Variants in FAM83H observed in about 807,000 individuals in gnomAD.
FAM83H encodes the protein scaffolding CK1 anchoring protein H, also known as protein FAM83H.
In FAM83H, 24 loss-of-function variants were observed where a neutral mutation model predicts 30.2. The observed-to-expected ratio is 0.79, with a 90% CI of 0.57 to 1.12. The LOEUF is 1.12. Among genes scored for constraint, FAM83H ranks in the 50% most tolerant of loss-of-function variants. FAM83H has a pLI of 0.00. For missense variants in FAM83H, 2,038 were observed against 1,773.9 expected (o/e 1.15, Z -2.67); for synonymous variants, 1,013 against 821.7 (o/e 1.23, Z -3.98).
rs1253665850 is a variant in FAM83H at position 143,733,724 on chromosome 8, A to T, written c.-49T>A. On this transcript the variant is annotated 5_prime_UTR_variant, in exon 1 of 5. Transcript: ENST00000388913. The surrounding 1 kb of genome is among the most constrained non-coding windows in gnomAD (Gnocchi z 5.6). Reference sequence around the variant, plus strand: ...GTGCGCGGGGTCTCGGCACAGGGGCAGCAGGAGCCGACCGCCGCCCAGCGG... The same window carrying T: ...GTGCGCGGGGTCTCGGCACAGGGGCTGCAGGAGCCGACCGCCGCCCAGCGG... 3 of 149,306 alleles carry T rather than the reference A, an allele frequency of 2.0e-5. No homozygotes were observed. The highest frequency in any genetic ancestry group is 4.5e-5 in the Non-Finnish European group (3 of 66,942). The allele number at this position is 149,306 out of a possible 1,614,324, so 9.2% of individuals were successfully genotyped here. A position where few individuals can be genotyped will look rare whatever the true frequency, so the allele number is the denominator to read the frequency against.
At position 143,726,875 on chromosome 8, in the gene FAM83H, C is replaced by T; in HGVS notation, c.2586G>A (p.Val862=). 6.2e-7 allele frequency: 1 copy of T among 1,612,940 alleles called. No homozygotes were observed. Among genetic ancestry groups the T allele is most frequent in the South Asian group, 1.1e-5 (1 of 91,072 alleles). ...GGCTCCCTTTTGACTCATTATGGAG[C>T]ACCTGGTGCGCTCCGGACCCTTCCA... ...LPLEGSGAHQ[V]LHNESKGSPT... is the part of the protein sequence containing the mutation. The change falls in exon 5 of 5, where the codon GTG becomes GTA. Residue 862 remains valine (V), a synonymous_variant. Transcript: ENST00000388913.
chr8:143,727,522 T>C lies in FAM83H; in HGVS notation c.1939A>G (p.Ser647Gly). The change falls in exon 5 of 5, where the codon AGC (serine) becomes GGC (glycine). Residue 647 changes from serine to glycine, a missense_variant. By Grantham distance (56) the Ser-to-Gly change is moderately conservative. Coordinates refer to ENST00000388913, the MANE Select transcript of FAM83H (RefSeq NM_198488.5). ...PTKVPVPGPG[S>G]GGNGPEREGP... is the part of the protein sequence containing the mutation. ...TCGCGCTCTGGGCCGTTGCCGCCGC[T>C]GCCCGGGCCTGGCACCGGGACCTTG... 1 of 1,579,780 alleles carries C rather than the reference T, an allele frequency of 6.3e-7. No individual in the cohort carries two copies. The highest frequency in any genetic ancestry group is 8.5e-7 in the Non-Finnish European group (1 of 1,170,456).
At chr8:143,732,418 C>G in intron 1 of FAM83H, 4 of 985,388 alleles carry the variant, frequency 4.1e-6, no homozygotes, top group Non-Finnish European at 4.8e-6. Flanking sequence ...CATTGCCAGC[C>G]TGTCTGTAGG....
chr8:143,726,706 C>T lies in FAM83H; in HGVS notation c.2755G>A (p.Val919Met), dbSNP rs1818308958. The change falls in exon 5 of 5, where the codon GTG (valine) becomes ATG (methionine). Residue 919 changes from valine to methionine, a missense_variant. Transcript: ENST00000388913. ...ACCGGACTGCTCCTGCGCTCCGGCACGGGGGGCACCGGACTACCCCTGCGC... is the reference window on the plus strand; with the variant it reads ...ACCGGACTGCTCCTGCGCTCCGGCATGGGGGGCACCGGACTACCCCTGCGC... ...PERRGSPVPP[V>M]PERRSSPVPP... The T allele has an allele frequency of 6.2e-7, 1 of 1,604,842 alleles. No individual in the cohort carries two copies. Among genetic ancestry groups the T allele is most frequent in the Non-Finnish European group, 8.5e-7 (1 of 1,177,762 alleles).
At position 143,730,525 on chromosome 8, in the gene FAM83H, G is replaced by C; in HGVS notation, c.58C>G (p.Leu20Val). 1 of 1,579,220 alleles carries C rather than the reference G, an allele frequency of 6.3e-7. No individual in the cohort carries two copies. Among genetic ancestry groups the C allele is most frequent in the Non-Finnish European group, 8.6e-7 (1 of 1,160,008 alleles). The change falls in exon 2 of 5, where the codon CTG becomes GTG. Residue 20 changes from leucine (L) to valine (V), a missense_variant. Leu to Val is a conservative substitution (Grantham distance 32). Coordinates refer to ENST00000388913, the MANE Select transcript of FAM83H (RefSeq NM_198488.5). ...TAGTACTCTTTGTAGTGAGGCGGCA[G>C]GTACCCGGGTGCCAGTGGGTTGTCC... ...QGDNPLAPGY[L>V]PPHYKEYYRL...
chr8:143,727,781 G>T lies in FAM83H; in HGVS notation c.1680C>A (p.Pro560=), dbSNP rs558523276. 2.1e-6 allele frequency: 3 copies of T among 1,438,958 alleles called. No homozygotes were observed. Among genetic ancestry groups the T allele is most frequent in the Non-Finnish European group, 2.7e-6 (3 of 1,104,504 alleles). The allele number at this position is 1,438,958 out of a possible 1,614,324, so 89.1% of individuals were successfully genotyped here. Residue 560 remains proline (P), a synonymous_variant, in exon 5 of 5, where the codon CCC becomes CCA. Transcript: ENST00000388913. ...CQAAARPGPD[P]APEAEPERRG... is the part of the protein sequence containing the mutation. ...TGCGCTCCGGCTCCGCCTCGGGAGC[G>T]GGGTCTGGGCCCGGCCTCGCCGCGG...
rs781822046 is a variant in FAM83H at position 143,729,085 on chromosome 8, G to A, written c.619C>T (p.Arg207Cys). 1.4e-5 allele frequency: 23 copies of A among 1,613,694 alleles called. No homozygotes were observed. The Middle Eastern group carries it at 1.3e-3, about 93-fold the overall frequency. The change falls in exon 4 of 5, where the codon CGC becomes TGC. Residue 207 changes from arginine to cysteine, a missense_variant. Arg to Cys is a radical substitution (Grantham distance 180). Coordinates refer to ENST00000388913, the MANE Select transcript of FAM83H (RefSeq NM_198488.5). The part of the protein sequence containing the change: ...RVNLQHVDFL[R>C]VRTVAGPTYY... Reference sequence around the variant, plus strand: ...GTGGGGCCCGCCACAGTCCGTACGCGCAGGAACTGGGGAGGGAGGGGAGTC... The same window carrying A: ...GTGGGGCCCGCCACAGTCCGTACGCACAGGAACTGGGGAGGGAGGGGAGTC...
In FAM83H at chr8:143,725,156, C is replaced by CGGGGGGGGGGGGGGGGGGGAGGG. The variant is rs549881150; in HGVS notation, c.*764_*765insCCCTCCCCCCCCCCCCCCCCCCC. The CGGGGGGGGGGGGGGGGGGGAGGG allele has an allele frequency of 2.7e-5, 1 of 37,534 alleles. No individual in the cohort carries two copies. The allele number at this position is 37,534 out of a possible 1,614,324, so 2.3% of individuals were successfully genotyped here. On this transcript the variant is annotated 3_prime_UTR_variant, in exon 5 of 5. Coordinates refer to ENST00000388913, the MANE Select transcript of FAM83H (RefSeq NM_198488.5). The stretch of plus-strand genomic sequence containing the variant: ...AAGCCCAGGCGGGGGAGGGGGGAGA[C>CGGGGGGGGGGGGGGGGGGGAGGG]GGGGGGGGGGGGGGGGGAGGGAAGG...
chr8:143,732,564 G>T, intron 1 of FAM83H: 1 of 985,398 alleles, frequency 1.0e-6, no homozygotes, highest in Non-Finnish European at 1.2e-6. Context: ...TCCAGGCTGT[G>T]TGTAATGGGG....
At chr8:143,730,636 A>G (rs1001805782) in intron 1 of FAM83H, 39 bp from the exon 2 acceptor site, 339 of 1,354,500 alleles carry the variant, frequency 2.5e-4, no homozygotes, top group Non-Finnish European at 3.2e-4. Flanking sequence ...GGGTGGGGGC[A>G]CTGGGACCAC....
Position 143,727,359 on chromosome 8 carries a change from G to A in FAM83H, c.2102C>T (p.Ala701Val), listed in dbSNP as rs868976184. ...CAGCAGCTGCACCTTCTCAGTGGCC[G>A]CCGCAGCCCCGGCCGCGCCCTCGGC... ...SQAEGAAGAA[A>V]ATEKVQLLHK... The change falls in exon 5 of 5, where the codon GCG becomes GTG. Residue 701 changes from alanine to valine, a missense_variant. Transcript: ENST00000388913. 2 of 1,569,000 alleles carry A rather than the reference G, an allele frequency of 1.3e-6. No individual in the cohort carries two copies. Among genetic ancestry groups the A allele is most frequent in the Admixed American group, 1.8e-5 (1 of 55,582 alleles).
chr8:143,727,442 G>A lies in FAM83H; in HGVS notation c.2019C>T (p.Asn673=), dbSNP rs782527755. ...GCCTGGAGCTGCGCTGGACCAGGGGGTTCAGGCGCGAGCGGAATGAGTCCT... is the reference window on the plus strand; with the variant it reads ...GCCTGGAGCTGCGCTGGACCAGGGGATTCAGGCGCGAGCGGAATGAGTCCT... ...AKQDSFRSRL[N]PLVQRSSRLR... Residue 673 remains asparagine (N), a synonymous_variant, in exon 5 of 5, where the codon AAC becomes AAT. Transcript: ENST00000388913. 1.0e-5 allele frequency: 16 copies of A among 1,571,342 alleles called. No homozygotes were observed. The highest frequency in any genetic ancestry group is 1.3e-5 in the African/African-American group (1 of 74,492).
rs1818345599 is a variant in FAM83H, at chr8:143,727,528, G to C, written c.1933C>G (p.Pro645Ala). 6.3e-7 allele frequency: 1 copy of C among 1,582,898 alleles called. No homozygotes were observed. The highest frequency in any genetic ancestry group is 1.7e-5 in the Admixed American group (1 of 58,180). The change falls in exon 5 of 5, where the codon CCG becomes GCG. Residue 645 changes from proline (P) to alanine (A), a missense_variant. Transcript: ENST00000388913. ...TCTGGGCCGTTGCCGCCGCTGCCCG[G>C]GCCTGGCACCGGGACCTTGGTGGGG... is the stretch of plus-strand genomic sequence containing the variant. ...AFPTKVPVPG[P>A]GSGGNGPERE...
intron 3 of FAM83H, 33 bp from the exon 4 acceptor site, chr8:143,729,124 G>A (rs1554623717): frequency 3.1e-6 from 5 of 1,613,542 alleles, no homozygotes; most frequent in South Asian, 1.1e-5. Flanking sequence ...TCTCTCCCAC[G>A]GGTCCTCCCC....
At position 143,727,269 on chromosome 8, in the gene FAM83H, G is replaced by A. The variant is rs1200553838; in HGVS notation, c.2192C>T (p.Ser731Phe). The stretch of plus-strand genomic sequence containing the variant: ...CTCCAGCAGCTCCGCCACCTTGGTG[G>A]AAGCCGCGGAGCGCACGGCCTCTCC... ...PGGEAVRSAASTKVAELLEKY... is the reference protein window; with the variant it reads ...PGGEAVRSAAFTKVAELLEKY... The change falls in exon 5 of 5, where the codon TCC becomes TTC. Residue 731 changes from serine (S) to phenylalanine (F), a missense_variant. Coordinates refer to ENST00000388913, the MANE Select transcript of FAM83H (RefSeq NM_198488.5). The A allele has an allele frequency of 7.8e-6, 12 of 1,535,502 alleles. 1 individual carries two copies. Among genetic ancestry groups the A allele is most frequent in the Middle Eastern group, 1.7e-4 (1 of 5,860 alleles).
Position 143,727,786 on chromosome 8 carries a change from C to T in FAM83H, c.1675G>A (p.Asp559Asn). 1 of 1,392,810 alleles carries T rather than the reference C, an allele frequency of 7.2e-7. No individual in the cohort carries two copies. The highest frequency in any genetic ancestry group is 2.6e-4 in the Middle Eastern group (1 of 3,882). The allele number at this position is 1,392,810 out of a possible 1,614,324, so 86.3% of individuals were successfully genotyped here. A position where few individuals can be genotyped will look rare whatever the true frequency, so the allele number is the denominator to read the frequency against. ...PCQAAARPGPDPAPEAEPERR... is the reference protein window; with the variant it reads ...PCQAAARPGPNPAPEAEPERR... ...TCCGGCTCCGCCTCGGGAGCGGGGT[C>T]TGGGCCCGGCCTCGCCGCGGCCTGG... Residue 559 changes from aspartate (D) to asparagine (N), a missense_variant, in exon 5 of 5, where the codon GAC becomes AAC. Asp to Asn is a conservative substitution (Grantham distance 23). Coordinates refer to ENST00000388913, the MANE Select transcript of FAM83H (RefSeq NM_198488.5).
At position 143,733,341 on chromosome 8, in the gene FAM83H, C is replaced by G. The variant is rs1554624984; in HGVS notation, c.-16+350G>C. 1.3e-5 allele frequency among the ~76,000 whole-genome samples: 2 copies of G among 152,178 alleles called. No individual in the cohort carries two copies. The highest frequency in any genetic ancestry group is 2.9e-5 in the Non-Finnish European group (2 of 68,006). On this transcript the variant is annotated intron_variant, in intron 1 of 4. Coordinates refer to ENST00000388913, the MANE Select transcript of FAM83H (RefSeq NM_198488.5). This position sits in a 1 kb window ranked among gnomAD's most constrained non-coding sequence, Gnocchi z 5.6. ...CGGGCGGATGTCCCCAGGGAAGGGTCCAGGCCGTGCCCAGCACCCAGACTC... is the reference window on the plus strand; with the variant it reads ...CGGGCGGATGTCCCCAGGGAAGGGTGCAGGCCGTGCCCAGCACCCAGACTC...
rs369310812 is a variant in FAM83H at position 143,726,894 on chromosome 8, C to A, written c.2567G>T (p.Gly856Val). Residue 856 changes from glycine to valine, a missense_variant, in exon 5 of 5, where the codon GGG (glycine) becomes GTG (valine). Transcript: ENST00000388913. ...QGLDSPLPLE[G>V]SGAHQVLHNE... Reference sequence around the variant, plus strand: ...ATGGAGCACCTGGTGCGCTCCGGACCCTTCCAGCGGCAGAGGGCTGTCCAG... The same window carrying A: ...ATGGAGCACCTGGTGCGCTCCGGACACTTCCAGCGGCAGAGGGCTGTCCAG... The A allele has an allele frequency of 4.7e-5, 75 of 1,612,740 alleles. No individual in the cohort carries two copies. The African/African-American group carries it at 9.9e-4, about 21-fold the overall frequency.
In FAM83H at chr8:143,726,498, G is replaced by A. The variant is rs1818299062; in HGVS notation, c.2963C>T (p.Pro988Leu). 1.2e-6 allele frequency: 2 copies of A among 1,605,868 alleles called. No individual in the cohort carries two copies. Among genetic ancestry groups the A allele is most frequent in the Non-Finnish European group, 1.7e-6 (2 of 1,179,514 alleles). ...GGGTTGGCCGTTCTCCTGCGGCACT[G>A]GGAAGCCACCCTCATCCTCCATGCG... ...ERRMEDEGGF[P>L]VPQENGQPES... The change falls in exon 5 of 5, where the codon CCA becomes CTA. Residue 988 changes from proline to leucine, a missense_variant. Pro to Leu is a moderately conservative substitution (Grantham distance 98). Transcript: ENST00000388913.
Sources: gnomAD v4.1 joint callset for allele counts (sites outside exome capture counted in the v4.1 genomes callset) on GRCh38, gnomAD v4.1.1 for gene constraint, Gnocchi (gnomAD v3.1) non-coding constraint, MANE v1.5 for transcripts, NCBI Gene and HGNC (gene_info 2026-07-23, HGNC 2026-07-21) for gene names.